Variants in SLC26A4 observed in about 807,000 individuals in gnomAD.
SLC26A4 encodes solute carrier family 26 member 4.
A neutral mutation model predicts 90.4 loss-of-function variants in SLC26A4; 93 were observed. The observed-to-expected ratio is 1.03, with a 90% CI of 0.87 to 1.22. The LOEUF is 1.22. SLC26A4 is among the 50% of genes most tolerant of loss of function. SLC26A4 has a pLI of 0.00. For missense variants in SLC26A4, 1,127 were observed against 946.2 expected, an observed-to-expected ratio of 1.19 and a Z score of -2.51; for synonymous variants, 393 against 354.6, an observed-to-expected ratio of 1.11 and a Z score of -1.22.
At chr7:107,706,707 T>C (rs975461387) in intron 18 of SLC26A4, among the ~76,000 whole-genome samples, 6 of 152,224 alleles carry the variant, frequency 3.9e-5, no homozygotes, top group African/African-American at 1.2e-4. Context: ...GCCTTGATAA[T>C]ATAACCAATG....
intron 16 of SLC26A4, 50 bp downstream of exon 16, chr7:107,701,246 G>T: frequency 8.5e-7 from 1 of 1,177,956 alleles, no homozygotes; most frequent in South Asian, 1.2e-5. Flanking sequence ...TTTCCCTGAT[G>T]AGAGCAGTTA....
chr7:107,683,199 T>G lies in SLC26A4; in HGVS notation c.766-3T>G, dbSNP rs1204794666. 1 of 1,610,486 alleles carries G rather than the reference T, an allele frequency of 6.2e-7. No individual in the cohort carries two copies. The highest frequency in any genetic ancestry group is 8.5e-7 in the Non-Finnish European group (1 of 1,178,520). ...AGTATATAAAATTATTTTCTTTTTA[T>G]AGACGCTGGTTGAGATTTTTCAAAA... is the stretch of plus-strand genomic sequence containing the variant. On this transcript the variant is annotated splice_region_variant and splice_polypyrimidine_tract_variant and intron_variant, in intron 6 of 20. Coordinates refer to ENST00000644269, the MANE Select transcript of SLC26A4 (RefSeq NM_000441.2).
In SLC26A4 at chr7:107,689,752, T is replaced by A. The variant is rs1791516407; in HGVS notation, c.1150-372T>A. 2.0e-5 allele frequency among the ~76,000 whole-genome samples: 3 copies of A among 152,182 alleles called. No homozygotes were observed. The South Asian group carries it at 6.2e-4, about 32-fold the overall frequency. ...ATAACAGTAGTTAAATGGTTAGTAATCAAGCAGAATAACAGCACTGCTAGT... is the reference window on the plus strand; with the variant it reads ...ATAACAGTAGTTAAATGGTTAGTAAACAAGCAGAATAACAGCACTGCTAGT... On this transcript the variant is annotated intron_variant, in intron 9 of 20. Transcript: ENST00000644269.
At chr7:107,702,202 A>G in intron 17 of SLC26A4, 145 bp downstream of exon 17, 1 of 705,112 alleles carries the variant, frequency 1.4e-6, no homozygotes, top group Non-Finnish European at 2.5e-6. Flanking sequence ...TAATATTTTA[A>G]AGCATAGGCT....
Position 107,709,935 on chromosome 7 carries a change from G to T in SLC26A4, c.2090-119G>T, listed in dbSNP as rs903474576. The T allele has an allele frequency of 7.6e-5, 59 of 771,758 alleles. No homozygotes were observed. In the African/African-American group the frequency reaches 8.6e-4, roughly 11 times the overall value. The allele number at this position is 771,758 out of a possible 1,614,324, so 47.8% of individuals were successfully genotyped here. A position where few individuals can be genotyped will look rare whatever the true frequency, so the allele number is the denominator to read the frequency against. On this transcript the variant is annotated intron_variant, in intron 18 of 20. Transcript: ENST00000644269. ...CACTTGAACTTGGGACGCGGAGGTT[G>T]CAGTGAGCAATGATGCCACTGCACT... is the stretch of plus-strand genomic sequence containing the variant.
chr7:107,665,534 A>G (rs1790684128), intron 3 of SLC26A4, among the ~76,000 whole-genome samples: 1 of 152,252 alleles, frequency 6.6e-6, no homozygotes, highest in South Asian at 2.1e-4. Context: ...TGCCTAGCAC[A>G]GAGACAGGCA....
At chr7:107,675,730 C>T (rs932137202) in intron 6 of SLC26A4, among the ~76,000 whole-genome samples, 23 of 152,050 alleles carry the variant, frequency 1.5e-4, no homozygotes, top group Admixed American at 6.5e-4. Flanking sequence ...CCCGCCACCA[C>T]ACCCAGCTAA....
At chr7:107,688,437 G>T (rs1342487405) in intron 8 of SLC26A4, among the ~76,000 whole-genome samples, 1 of 152,110 alleles carries the variant, frequency 6.6e-6, no homozygotes. Context: ...TATATGGTTT[G>T]TAGGGTAGCT....
At chr7:107,675,584 T>C (rs1051486862) in intron 6 of SLC26A4, among the ~76,000 whole-genome samples, 1 of 148,430 alleles carries the variant, frequency 6.7e-6, no homozygotes, top group Non-Finnish European at 1.5e-5. Flanking sequence ...CTTTTTTTTT[T>C]TTTTTTTGAG....
intron 13 of SLC26A4, among the ~76,000 whole-genome samples, chr7:107,697,457 T>G (rs1791771537): frequency 6.6e-6 from 1 of 152,208 alleles, no homozygotes; most frequent in South Asian, 2.1e-4. Flanking sequence ...TTAGCATGTC[T>G]CTAGTCACAC....
chr7:107,667,823 G>A (rs1459215549), intron 3 of SLC26A4, among the ~76,000 whole-genome samples: 1 of 152,156 alleles, frequency 6.6e-6, no homozygotes, highest in Non-Finnish European at 1.5e-5. Context: ...ATTTTCAAAG[G>A]AAGATAGCCC....
At chr7:107,662,583 T>C (rs1049943128) in intron 2 of SLC26A4, among the ~76,000 whole-genome samples, 2 of 152,148 alleles carry the variant, frequency 1.3e-5, no homozygotes, top group Admixed American at 6.5e-5. Context: ...TAGCATACTG[T>C]CTTTATGTAT....
intron 18 of SLC26A4, 21 bp downstream of exon 18, chr7:107,704,406 A>C (rs1173971182): frequency 9.5e-7 from 1 of 1,057,960 alleles, no homozygotes; most frequent in Non-Finnish European, 1.5e-6. Context: ...ATATCTACAT[A>C]TCTACCTGTA....
intron 18 of SLC26A4, among the ~76,000 whole-genome samples, chr7:107,707,126 G>A (rs1307086260): frequency 1.3e-5 from 2 of 152,102 alleles, no homozygotes; most frequent in African/African-American, 4.8e-5. Context: ...GACAGAGTGA[G>A]ACCCTGTCTC....
chr7:107,662,517 T>G (rs1790589681), intron 2 of SLC26A4, among the ~76,000 whole-genome samples: 1 of 151,976 alleles, frequency 6.6e-6, no homozygotes, highest in African/African-American at 2.4e-5. Context: ...TTACTCTTGT[T>G]TCTTGTATCT....
chr7:107,689,325 G>C (rs959239819), intron 9 of SLC26A4, 125 bp downstream of exon 9: 22 of 985,424 alleles, frequency 2.2e-5, no homozygotes, highest in Non-Finnish European at 1.6e-6. Flanking sequence ...TATTGGGTTG[G>C]TTTTCCTCTT....
intron 20 of SLC26A4, among the ~76,000 whole-genome samples, chr7:107,714,886 C>T (rs1792298788): frequency 6.6e-6 from 1 of 151,852 alleles, no homozygotes; most frequent in Non-Finnish European, 1.5e-5. Flanking sequence ...ATAGTAAGTG[C>T]TCAATAAATA....
intron 10 of SLC26A4, chr7:107,693,568 C>A: frequency 1.0e-6 from 1 of 985,456 alleles, no homozygotes; most frequent in Non-Finnish European, 1.2e-6. Flanking sequence ...TAATCTTCAT[C>A]TTGGCTCTGC....
chr7:107,710,082 C>A lies in SLC26A4; in HGVS notation c.2118C>A (p.Cys706Ter), dbSNP rs142656144. ...QDYVIEKLEQCGFFDDNIRKD... is the reference protein window; with the variant it reads ...QDYVIEKLEQ ...ATGTGATAGAAAAGCTGGAGCAATG[C>A]GGGTTCTTTGACGACAACATTAGAA... The change falls in exon 19 of 21, where the codon TGC becomes TGA. Residue 706 changes from cysteine (C) to a stop codon, truncating the protein, a stop_gained. Coordinates refer to ENST00000644269, the MANE Select transcript of SLC26A4 (RefSeq NM_000441.2). LOFTEE classifies it high-confidence loss of function. 2.5e-6 allele frequency: 4 copies of A among 1,612,576 alleles called. No individual in the cohort carries two copies. In the African/African-American group the frequency reaches 5.3e-5, roughly 22 times the overall value.
Sources: allele counts gnomAD v4.1 joint callset (sites outside exome capture counted in the v4.1 genomes callset), GRCh38; gene constraint gnomAD v4.1.1; transcripts MANE v1.5; gene names NCBI Gene and HGNC (gene_info 2026-07-23, HGNC 2026-07-21).